Variants in PRIM2 observed in about 807,000 individuals in gnomAD.
PRIM2 encodes the protein DNA primase subunit 2, also known as DNA primase large subunit.
In PRIM2, 39 loss-of-function variants were observed where a neutral mutation model predicts 67.3. The observed-to-expected ratio is 0.58, with a 90% confidence interval of 0.45 to 0.76. PRIM2 has a LOEUF of 0.76. Ranked by LOEUF, PRIM2 falls within the 30% of genes least tolerant of loss-of-function variation. The pLI is 0.00. For synonymous variants in PRIM2, 143 were observed against 198.7 expected (o/e 0.72, Z 2.36); for missense variants, 398 against 598.7 (o/e 0.66, Z 3.50).
At chr6:57,486,334 A>T (rs1773752947) in intron 7 of PRIM2, among the ~76,000 whole-genome samples, 1 of 152,250 alleles carries the variant, frequency 6.6e-6, no homozygotes, top group African/African-American at 2.4e-5. Context: ...GCTCATGGTC[A>T]TCGCCAAGGT....
At chr6:57,609,454 G>A (rs1374233036) in intron 12 of PRIM2, among the ~76,000 whole-genome samples, 1 of 152,148 alleles carries the variant, frequency 6.6e-6, no homozygotes, top group Non-Finnish European at 1.5e-5. Context: ...ACCAACAAAT[G>A]TGATAGGGAA....
At chr6:57,300,295 T>C in the PRIM2 span, among the ~76,000 whole-genome samples, 1 of 152,174 alleles carries the variant, frequency 6.6e-6, no homozygotes, top group Non-Finnish European at 1.5e-5. Context: ...AGTATCTTAG[T>C]CCAGGAACTT....
At chr6:57,501,629 CT>C (rs1554346891) in intron 7 of PRIM2, among the ~76,000 whole-genome samples, 331 of 152,178 alleles carry the variant, frequency 2.2e-3, no homozygotes, top group Non-Finnish European at 4.0e-3. Flanking sequence ...ACTTTATGTC[CT>C]TTTTATGTGG....
intron 5 of PRIM2, among the ~76,000 whole-genome samples, chr6:57,345,077 G>A (rs1768624869): frequency 7.0e-6 from 1 of 143,300 alleles, no homozygotes; most frequent in Non-Finnish European, 1.5e-5. Flanking sequence ...GAAAAAAAAA[G>A]TATGTCTTTA....
At chr6:57,355,130 C>A (rs1768987128) in intron 5 of PRIM2, among the ~76,000 whole-genome samples, 1 of 152,274 alleles carries the variant, frequency 6.6e-6, no homozygotes, top group African/African-American at 2.4e-5. Context: ...ATGGTGAAAT[C>A]CCGTCTCTAC....
intron 10 of PRIM2, among the ~76,000 whole-genome samples, chr6:57,539,753 G>C (rs1223144576): frequency 6.6e-6 from 1 of 151,434 alleles, no homozygotes; most frequent in East Asian, 1.9e-4. Flanking sequence ...TAGCATTTTG[G>C]GAGACCGAGG....
intron 12 of PRIM2, among the ~76,000 whole-genome samples, chr6:57,615,953 A>C (rs1776749712): frequency 6.6e-6 from 1 of 152,164 alleles, no homozygotes; most frequent in Non-Finnish European, 1.5e-5. Context: ...TGTTATACTG[A>C]ATCACTTGTG....
intron 11 of PRIM2, among the ~76,000 whole-genome samples, chr6:57,605,797 A>G (rs1158690644): frequency 6.6e-6 from 1 of 152,186 alleles, no homozygotes; most frequent in Non-Finnish European, 1.5e-5. Context: ...GATGACACAT[A>G]TCCACCGTAA....
the PRIM2 span, among the ~76,000 whole-genome samples, chr6:57,264,970 ATTG>A: frequency 6.6e-6 from 1 of 152,162 alleles, no homozygotes; most frequent in East Asian, 1.9e-4. Context: ...TATCTAGAGA[ATTG>A]GATTGTGATG....
At chr6:57,520,660 C>T (rs1190362847) in intron 8 of PRIM2, among the ~76,000 whole-genome samples, 1 of 152,034 alleles carries the variant, frequency 6.6e-6, no homozygotes, top group Non-Finnish European at 1.5e-5. Flanking sequence ...TATTGAGGTA[C>T]AATTTATACA....
chr6:57,273,283 T>C, the PRIM2 span, among the ~76,000 whole-genome samples: 1 of 152,224 alleles, frequency 6.6e-6, no homozygotes, highest in Non-Finnish European at 1.5e-5. Flanking sequence ...GCAGATTTGG[T>C]CTTTTCACAT....
chr6:57,227,761 A>G, the PRIM2 span, among the ~76,000 whole-genome samples: 6 of 152,218 alleles, frequency 3.9e-5, no homozygotes, highest in African/African-American at 1.4e-4. Context: ...TAAAGGTCAC[A>G]TACCCTACAG....
intron 5 of PRIM2, among the ~76,000 whole-genome samples, chr6:57,332,446 T>C (rs759475448): frequency 9.9e-5 from 15 of 152,164 alleles, no homozygotes; most frequent in Non-Finnish European, 1.8e-4. Context: ...CTATTTGTTC[T>C]ATCCATTATT....
At chr6:57,551,470 CTAAGAAG>C (rs1775401503) in intron 10 of PRIM2, among the ~76,000 whole-genome samples, 1 of 152,154 alleles carries the variant, frequency 6.6e-6, no homozygotes, top group African/African-American at 2.4e-5. Flanking sequence ...ATTAGGCACC[CTAAGAAG>C]TAGATTGCTT....
At chr6:57,237,614 A>G in the PRIM2 span, among the ~76,000 whole-genome samples, 1 of 152,194 alleles carries the variant, frequency 6.6e-6, no homozygotes, top group Non-Finnish European at 1.5e-5. Flanking sequence ...GAAGGGATCC[A>G]GTTTCAGCTT....
the PRIM2 span, among the ~76,000 whole-genome samples, chr6:57,233,616 C>T: frequency 2.2e-5 from 3 of 134,872 alleles, no homozygotes; most frequent in Admixed American, 7.6e-5. Context: ...CTCCCTCCCT[C>T]CCTCCTTCCC....
At position 57,629,418 on chromosome 6, in the gene PRIM2, C is replaced by T. The variant is rs1293648801; in HGVS notation, c.1231-2715C>T. Among the ~76,000 whole-genome samples, 1,206 of 152,124 alleles carry T rather than the reference C, an allele frequency of 7.9e-3. 23 individuals are homozygous for T. Among genetic ancestry groups the T allele is most frequent in the African/African-American group, 0.027 (1,138 of 41,490 alleles). ...TTTGTTTTTCATATTCGCATTTTCC[C>T]GAGTTTTAGAACTAGTTATTTAGGA... On this transcript the variant is annotated intron_variant, in intron 12 of 13. Coordinates refer to ENST00000615550, the MANE Select transcript of PRIM2 (RefSeq NM_000947.5).
At chr6:57,500,660 CTT>C in intron 7 of PRIM2, among the ~76,000 whole-genome samples, 1 of 152,162 alleles carries the variant, frequency 6.6e-6, no homozygotes, top group Admixed American at 6.5e-5. Flanking sequence ...TTAAGGCGGT[CTT>C]TTTCTTTCTG....
At chr6:57,636,406 T>TC (rs1302388478) in intron 13 of PRIM2, among the ~76,000 whole-genome samples, 4 of 151,440 alleles carry the variant, frequency 2.6e-5, no homozygotes, top group Non-Finnish European at 5.9e-5. Flanking sequence ...CTCTTCCCCT[T>TC]CCCCCCACAT....
Sources: allele counts gnomAD v4.1 joint callset (sites outside exome capture counted in the v4.1 genomes callset), GRCh38; gene constraint gnomAD v4.1.1; transcripts MANE v1.5; gene names NCBI Gene and HGNC (gene_info 2026-07-23, HGNC 2026-07-21).